CHD7: variants seen among roughly 807,000 people sequenced by gnomAD.
CHD7 encodes chromodomain helicase DNA binding protein 7, also known as ATP-dependent chromatin remodeler CHD7.
CHD7 carries 24 observed loss-of-function variants against 307.3 expected under a neutral mutation model. The ratio of observed to expected loss-of-function variants is 0.08; its 90% CI spans 0.06 to 0.11. The LOEUF (loss-of-function observed/expected upper bound fraction) is 0.11. Ranked by LOEUF, CHD7 falls within the 10% of genes least tolerant of loss-of-function variation. The pLI, the probability that CHD7 is intolerant of heterozygous loss-of-function variation, is 1.00. For synonymous variants in CHD7, 1,363 were observed against 1,349.9 expected, an observed-to-expected ratio of 1.01 and a Z score of -0.21; for missense variants, 3,106 against 3,727.1, an observed-to-expected ratio of 0.83 and a Z score of 4.34.
chr8:60,722,947 T>C (rs1807983836), intron 1 of CHD7, among the ~76,000 whole-genome samples: 1 of 152,252 alleles, frequency 6.6e-6, no homozygotes, highest in Non-Finnish European at 1.5e-5. Flanking sequence ...AATTGTATGA[T>C]TGAAATTTTT....
intron 2 of CHD7, among the ~76,000 whole-genome samples, chr8:60,761,060 T>C (rs1810171866): frequency 6.6e-6 from 1 of 152,050 alleles, no homozygotes; most frequent in Non-Finnish European, 1.5e-5. Flanking sequence ...TACTGCGGCA[T>C]TATTCACAAT....
chr8:60,861,994 C>T (rs1397546730), intron 35 of CHD7: 1 of 404,376 alleles, frequency 2.5e-6, no homozygotes, highest in South Asian at 5.3e-5. Flanking sequence ...AGCCAATTCT[C>T]ACTTATGTAT....
intron 1 of CHD7, among the ~76,000 whole-genome samples, chr8:60,680,107 C>T (rs1468528868): frequency 1.3e-5 from 2 of 151,748 alleles, no homozygotes; most frequent in African/African-American, 4.8e-5. Flanking sequence ...TCCCCCGCCC[C>T]CCAACCCGCC....
chr8:60,714,258 C>T (rs1245387279), intron 1 of CHD7, among the ~76,000 whole-genome samples: 2 of 152,202 alleles, frequency 1.3e-5, no homozygotes, highest in East Asian at 3.9e-4. Context: ...CTCATAAGGC[C>T]CTCGCTGCCG....
rs1378061704 is a variant in CHD7, at chr8:60,866,499, T to C, written c.*566T>C. On this transcript the variant is annotated 3_prime_UTR_variant, in exon 38 of 38. Transcript: ENST00000423902. ...ACGCCTCTGTCCCGAGGCGCAGCAA[T>C]AATAAGGCAGCTGTTGAATGTGAAG... 2 of 152,510 alleles carry C rather than the reference T, an allele frequency of 1.3e-5. No homozygotes were observed. Among genetic ancestry groups the C allele is most frequent in the Non-Finnish European group, 2.9e-5 (2 of 68,022 alleles). The allele number at this position is 152,510 out of a possible 1,614,324, so 9.4% of individuals were successfully genotyped here. A position where few individuals can be genotyped will look rare whatever the true frequency, so the allele number is the denominator to read the frequency against.
intron 1 of CHD7, among the ~76,000 whole-genome samples, chr8:60,683,909 G>GTTT (rs34548561): frequency 6.1e-5 from 9 of 147,656 alleles, no homozygotes; most frequent in East Asian, 5.9e-4. Context: ...GTTTTTGGAG[G>GTTT]TTTTTTTTTT....
At chr8:60,831,344 C>T (rs1025566853) in intron 15 of CHD7, among the ~76,000 whole-genome samples, 1 of 151,662 alleles carries the variant, frequency 6.6e-6, no homozygotes, top group African/African-American at 2.4e-5. Flanking sequence ...AAGGATTTTG[C>T]GAGGCAGAGT....
intron 13 of CHD7, chr8:60,824,453 TA>T (rs1804180701): frequency 5.4e-6 from 1 of 186,606 alleles, no homozygotes; most frequent in African/African-American, 2.3e-5. Flanking sequence ...TTCCAAAATC[TA>T]AAAATATCTG....
chr8:60,816,113 G>GTCTGTCTGTCTGTCTC (rs58405811), intron 7 of CHD7, among the ~76,000 whole-genome samples: 43 of 139,318 alleles, frequency 3.1e-4, no homozygotes, highest in African/African-American at 1.2e-3. Context: ...CTGTCTGTCT[G>GTCTGTCTGTCTGTCTC]TCTCTCTCTC....
intron 2 of CHD7, among the ~76,000 whole-genome samples, chr8:60,744,300 A>AT (rs1354777163): frequency 2.6e-5 from 4 of 152,118 alleles, no homozygotes; most frequent in African/African-American, 9.7e-5. Flanking sequence ...AGTGATATTG[A>AT]TTAGACAGTC....
At chr8:60,854,592 T>C (rs1805621662) in intron 32 of CHD7, 69 bp downstream of exon 32, 2 of 1,359,840 alleles carry the variant, frequency 1.5e-6, no homozygotes, top group Admixed American at 2.4e-5. Flanking sequence ...TCTTTCTAGC[T>C]TGATTTTTCA....
At chr8:60,768,525 A>T (rs1309147333) in intron 2 of CHD7, among the ~76,000 whole-genome samples, 1 of 152,232 alleles carries the variant, frequency 6.6e-6, no homozygotes, top group African/African-American at 2.4e-5. Flanking sequence ...CATCTGGGCC[A>T]GCACCGCTCA....
At chr8:60,755,934 T>A (rs1267466087) in intron 2 of CHD7, among the ~76,000 whole-genome samples, 1 of 152,242 alleles carries the variant, frequency 6.6e-6, no homozygotes, top group African/African-American at 2.4e-5. Context: ...CCTAGTACTG[T>A]CCGTGATCTT....
chr8:60,845,083 T>A lies in CHD7; in HGVS notation c.5050+20T>A, dbSNP rs760955712. 11 of 1,612,496 alleles carry A rather than the reference T, an allele frequency of 6.8e-6. No homozygotes were observed. Among genetic ancestry groups the A allele is most frequent in the Non-Finnish European group, 8.5e-7 (1 of 1,179,068 alleles). On this transcript the variant is annotated intron_variant, in intron 22 of 37. Coordinates refer to ENST00000423902, the MANE Select transcript of CHD7 (RefSeq NM_017780.4). Reference sequence around the variant, plus strand: ...ATTCCGGTAGGTCTCCACCATGCTGTTTGTGCTACAGGGTCACAAAGCCAC... The same window carrying A: ...ATTCCGGTAGGTCTCCACCATGCTGATTGTGCTACAGGGTCACAAAGCCAC...
intron 2 of CHD7, among the ~76,000 whole-genome samples, chr8:60,762,985 G>A (rs1810294962): frequency 6.6e-6 from 1 of 152,034 alleles, no homozygotes; most frequent in South Asian, 2.1e-4. Context: ...AGGCCCCGAG[G>A]GTTGGTGGGG....
At chr8:60,765,919 A>G (rs551714896) in intron 2 of CHD7, among the ~76,000 whole-genome samples, 1 of 152,354 alleles carries the variant, frequency 6.6e-6, no homozygotes, top group South Asian at 2.1e-4. Context: ...GGGAGAACAT[A>G]GAGGAACCAA....
At chr8:60,862,815 A>G (rs1439296388) in intron 37 of CHD7, 163 bp downstream of exon 37, 5 of 489,702 alleles carry the variant, frequency 1.0e-5, no homozygotes, top group Non-Finnish European at 1.8e-5. Context: ...TCATTAATAC[A>G]TCATTAATCC....
intron 15 of CHD7, among the ~76,000 whole-genome samples, chr8:60,832,148 A>C (rs1393784049): frequency 6.6e-6 from 1 of 152,064 alleles, no homozygotes. Flanking sequence ...CAGCCTCCTG[A>C]GTAGCTGGGA....
At chr8:60,787,626 C>T (rs761436269) in intron 3 of CHD7, among the ~76,000 whole-genome samples, 3 of 151,870 alleles carry the variant, frequency 2.0e-5, no homozygotes, top group Non-Finnish European at 2.9e-5. Flanking sequence ...TATTTGTAGC[C>T]CTGACTTCTA....
Sources: allele counts gnomAD v4.1 joint callset (sites outside exome capture counted in the v4.1 genomes callset), GRCh38; gene constraint gnomAD v4.1.1; transcripts MANE v1.5; gene names NCBI Gene and HGNC (gene_info 2026-07-23, HGNC 2026-07-21).